AKR1C8: variants seen among roughly 807,000 people sequenced by gnomAD.
The protein encoded by AKR1C8 is aldo-keto reductase family 1 member C8, also known as aldo-keto reductase family 1 member C-like protein 1.
At chr10:5,119,226 C>T in the AKR1C8 span, among the ~76,000 whole-genome samples, 1 of 152,102 alleles carries the variant, frequency 6.6e-6, no homozygotes, top group African/African-American at 2.4e-5. Context: ...GAATGAATGG[C>T]ACAGTAAGCA....
chr10:5,146,659 T>A, the AKR1C8 span, among the ~76,000 whole-genome samples: 1 of 152,282 alleles, frequency 6.6e-6, no homozygotes, highest in African/African-American at 2.4e-5. Context: ...TGGAAAACTA[T>A]TCAAAATAAC....
chr10:5,137,255 C>A, the AKR1C8 span, among the ~76,000 whole-genome samples: 1 of 152,042 alleles, frequency 6.6e-6, no homozygotes, highest in Non-Finnish European at 1.5e-5. Context: ...AAGACAGAGG[C>A]CAGCATCATC....
At chr10:5,132,649 T>C in the AKR1C8 span, 3 of 1,592,132 alleles carry the variant, frequency 1.9e-6, no homozygotes, top group East Asian at 6.7e-5. Context: ...TCATCTGCAA[T>C]CTTGCTTCAG....
chr10:5,120,197 CCT>C, the AKR1C8 span, among the ~76,000 whole-genome samples: 6 of 152,150 alleles, frequency 3.9e-5, no homozygotes, highest in African/African-American at 9.7e-5. Context: ...AGAGCCCATC[CCT>C]TTGTTTCCCA....
At chr10:5,133,359 C>T in the AKR1C8 span, among the ~76,000 whole-genome samples, 2 of 152,124 alleles carry the variant, frequency 1.3e-5, no homozygotes, top group Non-Finnish European at 2.9e-5. Flanking sequence ...GCCCAAAATG[C>T]TGCGATTACA....
chr10:5,118,794 T>C, the AKR1C8 span, among the ~76,000 whole-genome samples: 2 of 152,128 alleles, frequency 1.3e-5, no homozygotes, highest in Admixed American at 1.3e-4. Context: ...AAAGGGGAAG[T>C]TTTCCCTTGG....
At chr10:5,148,062 T>C in the AKR1C8 span, among the ~76,000 whole-genome samples, 6 of 152,110 alleles carry the variant, frequency 3.9e-5, no homozygotes, top group African/African-American at 1.4e-4. Context: ...ACTCAGCATT[T>C]CCTCCAGTAG....
chr10:5,148,564 C>T, the AKR1C8 span, among the ~76,000 whole-genome samples: 3 of 152,084 alleles, frequency 2.0e-5, no homozygotes, highest in Non-Finnish European at 2.9e-5. Context: ...AGGTCAGGTA[C>T]AGAATGAGGC....
the AKR1C8 span, among the ~76,000 whole-genome samples, chr10:5,169,936 G>C: frequency 6.6e-6 from 1 of 152,048 alleles, no homozygotes. Context: ...ATGATATTTA[G>C]GACATTTTTG....
the AKR1C8 span, chr10:5,154,713 G>A: frequency 6.6e-6 from 1 of 152,282 alleles, no homozygotes; most frequent in Admixed American, 6.5e-5. Context: ...ATCTTTTTTG[G>A]AGACTGAGTC....
At chr10:5,119,851 C>T in the AKR1C8 span, among the ~76,000 whole-genome samples, 14 of 152,158 alleles carry the variant, frequency 9.2e-5, no homozygotes, top group African/African-American at 2.4e-4. Context: ...TCCCACTCTG[C>T]GAATGCAAGT....
the AKR1C8 span, among the ~76,000 whole-genome samples, chr10:5,153,394 TG>T: frequency 6.6e-6 from 1 of 152,202 alleles, no homozygotes; most frequent in Non-Finnish European, 1.5e-5. Context: ...TGGAAAAATA[TG>T]GTAGTTATTT....
the AKR1C8 span, among the ~76,000 whole-genome samples, chr10:5,125,818 T>C: frequency 6.6e-6 from 1 of 152,138 alleles, no homozygotes; most frequent in Non-Finnish European, 1.5e-5. Context: ...TGAAGACAGG[T>C]CACATCACAG....
At chr10:5,170,889 A>G in the AKR1C8 span, among the ~76,000 whole-genome samples, 1 of 152,144 alleles carries the variant, frequency 6.6e-6, no homozygotes, top group South Asian at 2.1e-4. Context: ...TAGTTTCCAA[A>G]TTTTGGAGAA....
the AKR1C8 span, among the ~76,000 whole-genome samples, chr10:5,181,670 C>T: frequency 1.3e-5 from 2 of 152,112 alleles, no homozygotes; most frequent in East Asian, 3.8e-4. Flanking sequence ...TGTTCCAAAA[C>T]CATATAAGAT....
chr10:5,166,558 A>G, the AKR1C8 span, among the ~76,000 whole-genome samples: 1 of 152,222 alleles, frequency 6.6e-6, no homozygotes, highest in Non-Finnish European at 1.5e-5. Context: ...TATTTAATAA[A>G]TGATGCTGGG....
chr10:5,120,566 G>T, the AKR1C8 span, among the ~76,000 whole-genome samples: 2 of 152,026 alleles, frequency 1.3e-5, no homozygotes, highest in East Asian at 3.9e-4. Context: ...TAGTTAGTGT[G>T]CCAGGAGCTG....
At chr10:5,159,541 C>A in the AKR1C8 span, among the ~76,000 whole-genome samples, 1 of 152,070 alleles carries the variant, frequency 6.6e-6, no homozygotes, top group Admixed American at 6.6e-5. Context: ...ATGAACTTTC[C>A]CTAGGAGAAC....
chr10:5,162,476 C>T, the AKR1C8 span, among the ~76,000 whole-genome samples: 6 of 152,080 alleles, frequency 3.9e-5, no homozygotes, highest in Non-Finnish European at 5.9e-5. Context: ...AAACTCAATG[C>T]TGATTTGAGA....
Sources: allele counts gnomAD v4.1 joint callset (sites outside exome capture counted in the v4.1 genomes callset), GRCh38; gene constraint gnomAD v4.1.1; transcripts MANE v1.5; gene names NCBI Gene and HGNC (gene_info 2026-07-23, HGNC 2026-07-21).